The following S100A11 variants were observed in gnomAD, a reference collection of about 807,000 sequenced individuals.
S100A11 encodes S100 calcium binding protein A11.
A neutral mutation model predicts 7.4 loss-of-function variants in S100A11; 5 were observed. That is an observed-to-expected ratio of 0.68 (90% CI 0.35 to 1.42). The LOEUF (loss-of-function observed/expected upper bound fraction) is 1.42, where lower values mean the gene tolerates loss of function less well. S100A11 is among the 40% of genes most tolerant of loss of function. The pLI is 0.04. For missense variants in S100A11, 96 were observed against 125.0 expected, an observed-to-expected ratio of 0.77 and a Z score of 1.11; for synonymous variants, 47 against 46.6, an observed-to-expected ratio of 1.01 and a Z score of -0.04.
rs767893147 is a variant in S100A11 at position 152,033,707 on chromosome 1, T to A, written c.97A>T (p.Thr33Ser). 1 of 1,613,324 alleles carries A rather than the reference T, an allele frequency of 6.2e-7. No individual in the cohort carries two copies. Among genetic ancestry groups the A allele is most frequent in the Non-Finnish European group, 8.5e-7 (1 of 1,179,596 alleles). Residue 33 changes from threonine (T) to serine (S), a missense_variant, in exon 2 of 3, where the codon ACT becomes TCT. Coordinates refer to ENST00000271638, the MANE Select transcript of S100A11 (RefSeq NM_005620.2). This position sits in a 1 kb window ranked among gnomAD's most constrained non-coding sequence, Gnocchi z 4.0. ...KYAGKDGYNY[T>S]LSKTEFLSFM... Reference sequence around the variant, plus strand: ...CTTAGGAACTCTGTCTTGGAGAGAGTGTAGTTATAACCATCCTTTCCAGCA... The same window carrying A: ...CTTAGGAACTCTGTCTTGGAGAGAGAGTAGTTATAACCATCCTTTCCAGCA...
intron 1 of S100A11, among the ~76,000 whole-genome samples, chr1:152,035,435 T>C (rs1656813282): frequency 6.6e-6 from 1 of 152,212 alleles, no homozygotes; most frequent in Non-Finnish European, 1.5e-5. Flanking sequence ...TGCTTCACAT[T>C]TTTCTCTCCT....
At chr1:152,036,770 C>T in intron 1 of S100A11, 143 bp downstream of exon 1, 1 of 742,130 alleles carries the variant, frequency 1.3e-6, no homozygotes, top group South Asian at 1.6e-5. Context: ...TCCCCAGTTC[C>T]CTCCCACGAG....
At chr1:152,036,051 CAT>C (rs1345757578) in intron 1 of S100A11, among the ~76,000 whole-genome samples, 16 of 152,198 alleles carry the variant, frequency 1.1e-4, no homozygotes, top group Non-Finnish European at 1.6e-4. Flanking sequence ...ATAATTTTCA[CAT>C]GTCAGAAAGT....
In S100A11 at chr1:152,033,681, G is replaced by A. The variant is rs1350432842; in HGVS notation, c.123C>T (p.Ser41=). 1.9e-6 allele frequency: 3 copies of A among 1,613,834 alleles called. 1 individual carries two copies. Among genetic ancestry groups the A allele is most frequent in the East Asian group, 2.2e-5 (1 of 44,872 alleles). ...AGGCAGCTAGTTCTGTATTCATGAA[G>A]CTTAGGAACTCTGTCTTGGAGAGAG... ...NYTLSKTEFL[S]FMNTELAAFT... The change falls in exon 2 of 3, where the codon AGC becomes AGT. Residue 41 remains serine, a synonymous_variant. Coordinates refer to ENST00000271638, the MANE Select transcript of S100A11 (RefSeq NM_005620.2). The surrounding 1 kb of genome is among the most constrained non-coding windows in gnomAD (Gnocchi z 4.0).
chr1:152,033,575 C>T lies in S100A11; in HGVS notation c.156+73G>A, dbSNP rs1656778485. On this transcript the variant is annotated intron_variant, in intron 2 of 2. Transcript: ENST00000271638. This position sits in a 1 kb window ranked among gnomAD's most constrained non-coding sequence, Gnocchi z 4.0. ...GGGTGTCAGTTGCTGCTCCTTCATT[C>T]CTGGCCATTCTGCCAGGGTCTTGTT... 6 of 1,451,722 alleles carry T rather than the reference C, an allele frequency of 4.1e-6. No homozygotes were observed. The highest frequency in any genetic ancestry group is 1.9e-6 in the Non-Finnish European group (2 of 1,039,736). The allele number at this position is 1,451,722 out of a possible 1,614,324, so 89.9% of individuals were successfully genotyped here.
chr1:152,036,833 G>C (rs781629992), intron 1 of S100A11, 80 bp downstream of exon 1: 6 of 1,277,548 alleles, frequency 4.7e-6, no homozygotes, highest in Non-Finnish European at 6.8e-6. Flanking sequence ...CAAAGATAAA[G>C]TCTGCTGGGA....
Position 152,036,620 on chromosome 1 carries a change from C to G in S100A11, c.3+293G>C, listed in dbSNP as rs188191232. On this transcript the variant is annotated intron_variant, in intron 1 of 2. Transcript: ENST00000271638. ...AGGCAGTGACCCACGACGGGTCCCC[C>G]CCCCGCGCGGTGAGCGGCCAGCACT... Among the ~76,000 whole-genome samples the G allele has an allele frequency of 1.3e-5, 2 of 152,070 alleles. 1 individual carries two copies. Among genetic ancestry groups the G allele is most frequent in the African/African-American group, 4.8e-5 (2 of 41,382 alleles).
intron 1 of S100A11, among the ~76,000 whole-genome samples, chr1:152,034,902 G>C (rs1656804504): frequency 6.6e-6 from 1 of 152,170 alleles, no homozygotes; most frequent in Non-Finnish European, 1.5e-5. Context: ...AGAGCTAGAG[G>C]CTTTCTCACT....
chr1:152,036,281 G>C lies in S100A11; in HGVS notation c.3+632C>G, dbSNP rs565859059. On this transcript the variant is annotated intron_variant, in intron 1 of 2. Coordinates refer to ENST00000271638, the MANE Select transcript of S100A11 (RefSeq NM_005620.2). ...AAGAGAAAAATAAGTTACGGAGTGAGTGCCTAAATAGATGGTGGGGTAAAA... is the reference window on the plus strand; with the variant it reads ...AAGAGAAAAATAAGTTACGGAGTGACTGCCTAAATAGATGGTGGGGTAAAA... 1.1e-4 allele frequency among the ~76,000 whole-genome samples: 17 copies of C among 152,292 alleles called. No homozygotes were observed. In the South Asian group the frequency reaches 3.1e-3, roughly 28 times the overall value.
In S100A11 at chr1:152,033,675, C is replaced by T. The variant is rs772723733; in HGVS notation, c.129G>A (p.Met43Ile). Residue 43 changes from methionine (M) to isoleucine (I), a missense_variant, in exon 2 of 3, where the codon ATG becomes ATA. Met to Ile is a conservative substitution (Grantham distance 10). Transcript: ENST00000271638. The surrounding 1 kb of genome is among the most constrained non-coding windows in gnomAD (Gnocchi z 4.0). Reference protein sequence around the residue: ...TLSKTEFLSFMNTELAAFTKN... With the variant: ...TLSKTEFLSFINTELAAFTKN... ...TTGTGAAGGCAGCTAGTTCTGTATT[C>T]ATGAAGCTTAGGAACTCTGTCTTGG... 2.5e-6 allele frequency: 4 copies of T among 1,613,770 alleles called. No individual in the cohort carries two copies. The highest frequency in any genetic ancestry group is 2.2e-5 in the South Asian group (2 of 91,062).
chr1:152,033,726 T>C lies in S100A11; in HGVS notation c.78A>G (p.Gly26=). The part of the protein sequence containing the change: ...SLIAVFQKYA[G]KDGYNYTLSK... ...AGAGAGTGTAGTTATAACCATCCTT[T>C]CCAGCATACTTCTGGAAGACAGCAA... The change falls in exon 2 of 3, where the codon GGA becomes GGG. Residue 26 remains glycine, a synonymous_variant. Coordinates refer to ENST00000271638, the MANE Select transcript of S100A11 (RefSeq NM_005620.2). The surrounding 1 kb of genome is among the most constrained non-coding windows in gnomAD (Gnocchi z 4.0). 1 of 1,613,684 alleles carries C rather than the reference T, an allele frequency of 6.2e-7. No individual in the cohort carries two copies. Among genetic ancestry groups the C allele is most frequent in the African/African-American group, 1.3e-5 (1 of 75,010 alleles).
chr1:152,033,556 C>G lies in S100A11; in HGVS notation c.156+92G>C. ...AAAATGAAGCAAGAGTGTGGGGTGT[C>G]AGTTGCTGCTCCTTCATTCCTGGCC... On this transcript the variant is annotated intron_variant, in intron 2 of 2. Coordinates refer to ENST00000271638, the MANE Select transcript of S100A11 (RefSeq NM_005620.2). The surrounding 1 kb of genome is among the most constrained non-coding windows in gnomAD (Gnocchi z 4.0). 1 of 1,184,448 alleles carries G rather than the reference C, an allele frequency of 8.4e-7. No homozygotes were observed. Among genetic ancestry groups the G allele is most frequent in the Non-Finnish European group, 1.2e-6 (1 of 805,860 alleles). The allele number at this position is 1,184,448 out of a possible 1,614,324, so 73.4% of individuals were successfully genotyped here. A position where few individuals can be genotyped will look rare whatever the true frequency, so the allele number is the denominator to read the frequency against.
Position 152,036,944 on chromosome 1 carries a change from G to A in S100A11, c.-29C>T, listed in dbSNP as rs1656846584. ...GGAGCTGAGCGAGGCGCGGGAGGCTGTGGCTGGGAGCGGCGCTGAGAGCTC... is the reference window on the plus strand; with the variant it reads ...GGAGCTGAGCGAGGCGCGGGAGGCTATGGCTGGGAGCGGCGCTGAGAGCTC... On this transcript the variant is annotated 5_prime_UTR_variant, in exon 1 of 3. Coordinates refer to ENST00000271638, the MANE Select transcript of S100A11 (RefSeq NM_005620.2). The A allele has an allele frequency of 6.2e-7, 1 of 1,613,538 alleles. No individual in the cohort carries two copies. The highest frequency in any genetic ancestry group is 1.3e-5 in the African/African-American group (1 of 75,026).
At chr1:152,034,670 C>A (rs1390399859) in intron 1 of S100A11, among the ~76,000 whole-genome samples, 1 of 152,232 alleles carries the variant, frequency 6.6e-6, no homozygotes, top group Middle Eastern at 3.2e-3. Flanking sequence ...GCCCAGTCAT[C>A]CGGTTCCCCA....
In S100A11 at chr1:152,032,748, A is replaced by G; in HGVS notation, c.232T>C (p.Ser78Pro). Residue 78 changes from serine to proline, a missense_variant, in exon 3 of 3, where the codon TCA becomes CCA. Coordinates refer to ENST00000271638, the MANE Select transcript of S100A11 (RefSeq NM_005620.2). ...DTNSDGQLDF[S>P]EFLNLIGGLA... ...CCACCAATCAGATTAAGAAATTCTG[A>G]GAAATCTAGCTGACCATCACTGTTG... The G allele has an allele frequency of 1.2e-6, 2 of 1,614,054 alleles. No homozygotes were observed. The highest frequency in any genetic ancestry group is 1.7e-6 in the Non-Finnish European group (2 of 1,179,864).
Position 152,032,544 on chromosome 1 carries a change from G to A in S100A11, c.*118C>T. 1.3e-6 allele frequency: 1 copy of A among 774,898 alleles called. No homozygotes were observed. The highest frequency in any genetic ancestry group is 2.3e-5 in the South Asian group (1 of 44,326). The allele number at this position is 774,898 out of a possible 1,614,324, so 48.0% of individuals were successfully genotyped here. A position where few individuals can be genotyped will look rare whatever the true frequency, so the allele number is the denominator to read the frequency against. On this transcript the variant is annotated 3_prime_UTR_variant, in exon 3 of 3. Coordinates refer to ENST00000271638, the MANE Select transcript of S100A11 (RefSeq NM_005620.2). ...AAAGTGACATTGCTTTATTACTATTGGCAGGTGGGGCCTGCATGAGGTGGT... is the reference window on the plus strand; with the variant it reads ...AAAGTGACATTGCTTTATTACTATTAGCAGGTGGGGCCTGCATGAGGTGGT...
intron 1 of S100A11, among the ~76,000 whole-genome samples, chr1:152,034,586 C>T (rs1394370532): frequency 1.3e-5 from 2 of 152,220 alleles, no homozygotes; most frequent in East Asian, 1.9e-4. Flanking sequence ...TACACAGCAT[C>T]TACAATGTAA....
intron 1 of S100A11, 130 bp downstream of exon 1, chr1:152,036,783 T>A: frequency 1.2e-6 from 1 of 824,386 alleles, no homozygotes; most frequent in Non-Finnish European, 2.0e-6. Context: ...CCCACGAGGC[T>A]GATTTTTCCT....
chr1:152,035,787 A>G lies in S100A11; in HGVS notation c.3+1126T>C, dbSNP rs748205288. ...ATGGCGATAGCAAGGAGCAAACATT[A>G]TGATAAACGGATACTGTGAAATAAT... On this transcript the variant is annotated intron_variant, in intron 1 of 2. Coordinates refer to ENST00000271638, the MANE Select transcript of S100A11 (RefSeq NM_005620.2). Among the ~76,000 whole-genome samples, 3 of 152,378 alleles carry G rather than the reference A, an allele frequency of 2.0e-5. No homozygotes were observed. In the East Asian group the frequency reaches 5.8e-4, roughly 29 times the overall value.
Sources: allele counts gnomAD v4.1 joint callset (sites outside exome capture counted in the v4.1 genomes callset), GRCh38; gene constraint gnomAD v4.1.1; non-coding constraint Gnocchi (gnomAD v3.1); transcripts MANE v1.5; gene names NCBI Gene and HGNC (gene_info 2026-07-23, HGNC 2026-07-21).